Variants in NPIPB2 observed in about 807,000 individuals in gnomAD.
NPIPB2 encodes nuclear pore complex interacting protein family member B2.
In NPIPB2, 27 loss-of-function variants were observed where a neutral mutation model predicts 30.8. The observed-to-expected ratio is 0.88, with a 90% CI of 0.65 to 1.21. The LOEUF is 1.21. NPIPB2 is among the 50% of genes most tolerant of loss of function. NPIPB2 has a pLI of 0.00. For synonymous variants in NPIPB2, 147 were observed against 162.0 expected (o/e 0.91, Z 0.70); for missense variants, 440 against 446.2 (o/e 0.99, Z 0.13).
rs1421814763 is a variant in NPIPB2 at position 11,960,506 on chromosome 16, G to A, written c.-584+16062C>T. 4.6e-5 allele frequency among the ~76,000 whole-genome samples: 7 copies of A among 151,816 alleles called. No individual in the cohort carries two copies. In the South Asian group the frequency reaches 6.3e-4, roughly 14 times the overall value. ...CACGTAGCTAGGATTACAGGTGTGCGCCACCATGCCCGGCTAATTTTTTGT... is the reference window on the plus strand; with the variant it reads ...CACGTAGCTAGGATTACAGGTGTGCACCACCATGCCCGGCTAATTTTTTGT... On this transcript the variant is annotated intron_variant, in intron 1 of 5. Transcript: ENST00000538896.
At chr16:11,969,407 C>T (rs576568351) in intron 1 of NPIPB2, among the ~76,000 whole-genome samples, 25 of 152,172 alleles carry the variant, frequency 1.6e-4, no homozygotes, top group African/African-American at 5.8e-4. Context: ...CAGGTGCCCG[C>T]CACTGCGCCT....
upstream of NPIPB2, among the ~76,000 whole-genome samples, chr16:11,942,693 C>G (rs1450814604): frequency 6.6e-6 from 1 of 151,270 alleles, no homozygotes; most frequent in Non-Finnish European, 1.5e-5. Flanking sequence ...CCCACAATAC[C>G]CAGAGGGCTT....
intron 1 of NPIPB2, among the ~76,000 whole-genome samples, chr16:11,952,018 G>A (rs2150928471): frequency 6.6e-6 from 1 of 152,254 alleles, no homozygotes; most frequent in East Asian, 1.9e-4. Context: ...AATTAGCCGG[G>A]CGTAGTGGCG....
intron 1 of NPIPB2, among the ~76,000 whole-genome samples, chr16:11,950,067 G>C (rs923726648): frequency 6.6e-6 from 1 of 151,802 alleles, no homozygotes; most frequent in East Asian, 1.9e-4. Flanking sequence ...ATGGAGTCTC[G>C]CTCTGTCACC....
intron 1 of NPIPB2, among the ~76,000 whole-genome samples, chr16:11,970,639 G>A (rs11867051): frequency 0.058 from 8,882 of 151,854 alleles, 458 homozygotes; most frequent in African/African-American, 0.14. Context: ...GGTTTCAAGC[G>A]ATTCTCCTGC....
chr16:11,940,693 G>A (rs2054926073), intron 1 of NPIPB2, among the ~76,000 whole-genome samples: 1 of 144,252 alleles, frequency 6.9e-6, no homozygotes, highest in South Asian at 2.2e-4. Flanking sequence ...CCCGGAAGCG[G>A]AGGTTGCAGT....
Position 11,937,673 on chromosome 16 carries a change from A to C in NPIPB2, c.64-5T>G. Reference sequence around the variant, plus strand: ...GTCAGCCAGAGTATTGATAACCTGGAATAATAATAGTTGAAATAATGAAAA... The same window carrying C: ...GTCAGCCAGAGTATTGATAACCTGGCATAATAATAGTTGAAATAATGAAAA... On this transcript the variant is annotated splice_polypyrimidine_tract_variant and splice_region_variant and intron_variant, in intron 1 of 7. Coordinates refer to ENST00000399147, the Ensembl canonical transcript of NPIPB2. 2 of 1,598,396 alleles carry C rather than the reference A, an allele frequency of 1.3e-6. No homozygotes were observed. Among genetic ancestry groups the C allele is most frequent in the Non-Finnish European group, 1.7e-6 (2 of 1,179,180 alleles).
At chr16:11,947,327 TATATATA>T (rs1474364591) in intron 1 of NPIPB2, among the ~76,000 whole-genome samples, 18 of 139,576 alleles carry the variant, frequency 1.3e-4, no homozygotes, top group African/African-American at 2.8e-4. Flanking sequence ...TTTATTTATA[TATATATA>T]TATTTATTTA....
At chr16:11,962,691 G>T (rs2150937318) in intron 1 of NPIPB2, among the ~76,000 whole-genome samples, 1 of 151,856 alleles carries the variant, frequency 6.6e-6, no homozygotes, top group East Asian at 1.9e-4. Context: ...GGAAATCCAG[G>T]GTAGGAAAAA....
intron 1 of NPIPB2, chr16:11,956,195 C>T (rs1375378358): frequency 6.6e-6 from 1 of 152,222 alleles, no homozygotes; most frequent in Admixed American, 6.6e-5. Flanking sequence ...TTTCACAGCA[C>T]AGGTCACCAA....
chr16:11,943,489 G>A (rs1195285281), upstream of NPIPB2, among the ~76,000 whole-genome samples: 2 of 151,908 alleles, frequency 1.3e-5, no homozygotes, highest in African/African-American at 2.4e-5. Flanking sequence ...GGATCACGAG[G>A]TTAGGAGTTC....
chr16:11,934,654 A>T (rs566190575), intron 2 of NPIPB2, among the ~76,000 whole-genome samples: 1 of 151,784 alleles, frequency 6.6e-6, no homozygotes, highest in African/African-American at 2.4e-5. Flanking sequence ...AGGTCAAGAG[A>T]TGGACACCAT....
At chr16:11,940,655 G>C (rs943004067) in intron 1 of NPIPB2, among the ~76,000 whole-genome samples, 1 of 114,004 alleles carries the variant, frequency 8.8e-6, no homozygotes, top group Non-Finnish European at 2.0e-5. Flanking sequence ...AGCTATTCAG[G>C]AGGCTGAGGC....
At chr16:11,947,300 A>G (rs988395867) in intron 1 of NPIPB2, among the ~76,000 whole-genome samples, 1 of 25,296 alleles carries the variant, frequency 4.0e-5, no homozygotes, top group Non-Finnish European at 7.5e-5. Context: ...CACATATTTT[A>G]TTTATTTATT....
intron 2 of NPIPB2, among the ~76,000 whole-genome samples, chr16:11,934,735 T>G (rs2054842175): frequency 6.8e-6 from 1 of 147,908 alleles, no homozygotes; most frequent in African/African-American, 2.5e-5. Flanking sequence ...GATGCACGCC[T>G]GTAGCCCCAG....
At chr16:11,942,539 GC>G (rs2054954355), upstream of NPIPB2, among the ~76,000 whole-genome samples, 3 of 151,844 alleles carry the variant, frequency 2.0e-5, no homozygotes, top group Admixed American at 2.0e-4. Context: ...TCATCTTACT[GC>G]CCGTGTGTGT....
downstream of NPIPB2, chr16:11,927,353 C>A: frequency 1.2e-6 from 1 of 844,588 alleles, no homozygotes; most frequent in Non-Finnish European, 2.0e-6. Context: ...TTTTGTTCTA[C>A]TCAGTTTTAT....
intron 1 of NPIPB2, chr16:11,966,147 AATATT>A: frequency 6.6e-7 from 1 of 1,525,430 alleles, no homozygotes. Flanking sequence ...AAAGTATGTG[AATATT>A]ATGTTATCAG....
intron 1 of NPIPB2, among the ~76,000 whole-genome samples, chr16:11,948,482 A>G (rs2055032985): frequency 6.6e-6 from 1 of 152,018 alleles, no homozygotes; most frequent in Admixed American, 6.6e-5. Context: ...TAAAATGGAA[A>G]CTTACTGGGC....
Sources: gnomAD v4.1 joint callset for allele counts (sites outside exome capture counted in the v4.1 genomes callset) on GRCh38, gnomAD v4.1.1 for gene constraint, MANE v1.5 for transcripts, NCBI Gene and HGNC (gene_info 2026-07-23, HGNC 2026-07-21) for gene names.